Variants in CHD1 observed in about 807,000 individuals in gnomAD.
The protein encoded by CHD1 is ATP-dependent chromatin remodeler CHD1.
CHD1 carries 36 observed loss-of-function variants against 224.2 expected under a neutral mutation model. That is an observed-to-expected ratio of 0.16 (90% CI 0.12 to 0.21). The LOEUF (loss-of-function observed/expected upper bound fraction) is 0.21, where lower values mean the gene tolerates loss of function less well. CHD1 is among the 10% of genes least tolerant of loss of function. The probability of loss-of-function intolerance (pLI) is 1.00; values close to 1 mark genes in which losing one functional copy is unlikely to be tolerated. For missense variants in CHD1, 1,378 were observed against 1,994.8 expected (o/e 0.69, Z 5.89); for synonymous variants, 668 against 658.3 (o/e 1.01, Z -0.23).
chr5:98,916,702 T>C (rs991173303), intron 2 of CHD1, among the ~76,000 whole-genome samples: 2 of 152,208 alleles, frequency 1.3e-5, no homozygotes, highest in Non-Finnish European at 2.9e-5. Context: ...CATATACCTA[T>C]GGGTGTGTAC....
At chr5:98,883,852 T>C in intron 18 of CHD1, 1 of 34,442 alleles carries the variant, frequency 2.9e-5, no homozygotes, top group East Asian at 5.9e-4. Context: ...TATATATATA[T>C]ATATATATAT....
In CHD1 at chr5:98,897,597, C is replaced by T. The variant is rs976417025; in HGVS notation, c.1366-277G>A. Among the ~76,000 whole-genome samples, 3 of 152,246 alleles carry T rather than the reference C, an allele frequency of 2.0e-5. No homozygotes were observed. The East Asian group carries it at 5.8e-4, about 29-fold the overall frequency. On this transcript the variant is annotated intron_variant, in intron 10 of 35. Transcript: ENST00000614616. ...ATATGAGTCTCATGTATTTCACAAG[C>T]AAAACCTACGTTAAATTGTTCAAAA...
intron 25 of CHD1, 139 bp from the exon 26 acceptor site, chr5:98,873,862 A>C (rs1477716870): frequency 3.3e-6 from 2 of 601,688 alleles, no homozygotes; most frequent in Admixed American, 3.8e-5. Flanking sequence ...AAATGGCAGG[A>C]AACACATAAA....
At position 98,863,397 on chromosome 5, in the gene CHD1, G is replaced by GT. The variant is rs763716752; in HGVS notation, c.4427+10dup. ...ATAAATTTAACACTTCCTGAAAAGTGTATCACTTACTTTCTCCATTGCTTA... is the reference window on the plus strand; with the variant it reads ...ATAAATTTAACACTTCCTGAAAAGTGTTATCACTTACTTTCTCCATTGCTTA... On this transcript the variant is annotated intron_variant, in intron 32 of 35. Transcript: ENST00000614616. The GT allele has an allele frequency of 7.5e-6, 11 of 1,459,732 alleles. No individual in the cohort carries two copies. The African/African-American group carries it at 1.6e-4, about 21-fold the overall frequency. The allele number at this position is 1,459,732 out of a possible 1,614,324, so 90.4% of individuals were successfully genotyped here. A position where few individuals can be genotyped will look rare whatever the true frequency, so the allele number is the denominator to read the frequency against.
At position 98,876,308 on chromosome 5, in the gene CHD1, A is replaced by G. The variant is rs774230933; in HGVS notation, c.3398+90T>C. The G allele has an allele frequency of 4.5e-5, 60 of 1,330,812 alleles. 1 individual carries two copies. The Middle Eastern group carries it at 1.9e-3, about 42-fold the overall frequency. The allele number at this position is 1,330,812 out of a possible 1,614,324, so 82.4% of individuals were successfully genotyped here. On this transcript the variant is annotated intron_variant, in intron 24 of 35. Coordinates refer to ENST00000614616, the MANE Select transcript of CHD1 (RefSeq NM_001270.4). Reference sequence around the variant, plus strand: ...ACAGATTTGCCTCTTCTAAAACTTCATCACAATTTTTGAAAATTACGGCGT... The same window carrying G: ...ACAGATTTGCCTCTTCTAAAACTTCGTCACAATTTTTGAAAATTACGGCGT...
At chr5:98,922,716 G>A (rs1273871296) in intron 2 of CHD1, among the ~76,000 whole-genome samples, 18 of 152,268 alleles carry the variant, frequency 1.2e-4, no homozygotes, top group Non-Finnish European at 1.0e-4. Flanking sequence ...GGCCAGGCAC[G>A]GTGGCTCATG....
At chr5:98,900,184 A>G (rs545084881) in intron 7 of CHD1, among the ~76,000 whole-genome samples, 1 of 151,144 alleles carries the variant, frequency 6.6e-6, no homozygotes, top group South Asian at 2.1e-4. Context: ...CGGGAGGCTG[A>G]GGCAGGAGAA....
intron 19 of CHD1, among the ~76,000 whole-genome samples, chr5:98,882,362 T>C (rs1393018830): frequency 6.7e-6 from 1 of 150,154 alleles, no homozygotes; most frequent in African/African-American, 2.4e-5. Context: ...TGCATTTGCT[T>C]ATTTTTTTTT....
Position 98,885,761 on chromosome 5 carries a change from A to G in CHD1, c.2497-112T>C, listed in dbSNP as rs958502741. ...GTGAAGCATGTCCTTTGCTAAAACTATAATAGAAAGTACTTACTAGACAGT... is the reference window on the plus strand; with the variant it reads ...GTGAAGCATGTCCTTTGCTAAAACTGTAATAGAAAGTACTTACTAGACAGT... On this transcript the variant is annotated intron_variant, in intron 17 of 35. Coordinates refer to ENST00000614616, the MANE Select transcript of CHD1 (RefSeq NM_001270.4). 3.4e-5 allele frequency: 23 copies of G among 677,444 alleles called. No homozygotes were observed. The South Asian group carries it at 3.9e-4, about 12-fold the overall frequency. The allele number at this position is 677,444 out of a possible 1,614,324, so 42.0% of individuals were successfully genotyped here.
At chr5:98,873,926 G>GT (rs1348173325) in intron 25 of CHD1, among the ~76,000 whole-genome samples, 32 of 152,128 alleles carry the variant, frequency 2.1e-4, no homozygotes, top group Non-Finnish European at 5.9e-5. Context: ...ATAATAATGA[G>GT]TTTAATTCAT....
chr5:98,904,603 G>T (rs775353550), intron 3 of CHD1, among the ~76,000 whole-genome samples: 3 of 152,096 alleles, frequency 2.0e-5, no homozygotes, highest in African/African-American at 2.4e-5. Context: ...TCTTAAATTT[G>T]TATCTATGAC....
chr5:98,859,720 TAA>T (rs1240986150), intron 33 of CHD1, among the ~76,000 whole-genome samples: 1 of 152,102 alleles, frequency 6.6e-6, no homozygotes, highest in Non-Finnish European at 1.5e-5. Flanking sequence ...AGTTTCTCTA[TAA>T]AGTTATTATT....
intron 18 of CHD1, chr5:98,883,967 G>A (rs1384266372): frequency 3.9e-5 from 6 of 153,400 alleles, no homozygotes; most frequent in African/African-American, 7.8e-5. Context: ...TCAGCCTCCC[G>A]AGTAGCTGGG....
At chr5:98,927,424 C>A (rs959384649) in intron 1 of CHD1, among the ~76,000 whole-genome samples, 1 of 152,134 alleles carries the variant, frequency 6.6e-6, no homozygotes, top group Admixed American at 6.5e-5. Context: ...GCAGAGCTGT[C>A]CTCCGACCTC....
At chr5:98,909,199 C>G (rs1408478636) in intron 2 of CHD1, among the ~76,000 whole-genome samples, 1 of 152,028 alleles carries the variant, frequency 6.6e-6, no homozygotes, top group East Asian at 1.9e-4. Context: ...TCAGGCTATC[C>G]CTTTAGTCTC....
At chr5:98,910,416 GACC>G (rs1019843569) in intron 2 of CHD1, among the ~76,000 whole-genome samples, 4 of 152,030 alleles carry the variant, frequency 2.6e-5, no homozygotes, top group African/African-American at 9.7e-5. Flanking sequence ...ATCTCTGTGT[GACC>G]ACCAATTTGG....
intron 2 of CHD1, among the ~76,000 whole-genome samples, chr5:98,910,297 C>A (rs1281334816): frequency 6.6e-6 from 1 of 152,096 alleles, no homozygotes; most frequent in African/African-American, 2.4e-5. Flanking sequence ...ATACCATTAT[C>A]ATAAACAATA....
chr5:98,893,816 A>G (rs1346720017), intron 13 of CHD1, among the ~76,000 whole-genome samples: 1 of 152,216 alleles, frequency 6.6e-6, no homozygotes, highest in African/African-American at 2.4e-5. Context: ...CTAGAATGTA[A>G]TATCAAGCCA....
chr5:98,877,879 C>CT (rs1014981698), intron 23 of CHD1, among the ~76,000 whole-genome samples: 6 of 152,088 alleles, frequency 3.9e-5, no homozygotes, highest in African/African-American at 1.2e-4. Flanking sequence ...TGCTCCTACT[C>CT]TAACAACAAA....
Sources: gnomAD v4.1 joint callset for allele counts (sites outside exome capture counted in the v4.1 genomes callset) on GRCh38, gnomAD v4.1.1 for gene constraint, MANE v1.5 for transcripts, NCBI Gene and HGNC (gene_info 2026-07-23, HGNC 2026-07-21) for gene names.